The following SH3PXD2A variants were observed in gnomAD, a reference collection of about 807,000 sequenced individuals.
SH3PXD2A encodes SH3 and PX domains 2A.
A neutral mutation model predicts 115.2 loss-of-function variants in SH3PXD2A; 32 were observed. The ratio of observed to expected loss-of-function variants is 0.28; its 90% confidence interval spans 0.21 to 0.37. SH3PXD2A has a LOEUF of 0.37. SH3PXD2A is among the 10% of genes least tolerant of loss of function. The probability of loss-of-function intolerance (pLI) is 1.00; values close to 1 mark genes in which losing one functional copy is unlikely to be tolerated. For synonymous variants in SH3PXD2A, 610 were observed against 629.1 expected (o/e 0.97, Z 0.45); for missense variants, 1,328 against 1,498.7 (o/e 0.89, Z 1.88).
intron 2 of SH3PXD2A, among the ~76,000 whole-genome samples, chr10:103,782,594 TAGGCATCGGGAAAACAGAAGCTATGGAGC>T (rs2038941255): frequency 6.6e-6 from 1 of 152,128 alleles, no homozygotes; most frequent in African/African-American, 2.4e-5. Flanking sequence ...GGTACTGTTC[TAGGCATCGGGAAAACAGAAGCTATGGAGC>T]AGGCAAGATC....
chr10:103,624,724 A>C (rs1223702526), intron 9 of SH3PXD2A, among the ~76,000 whole-genome samples: 1 of 152,206 alleles, frequency 6.6e-6, no homozygotes, highest in Admixed American at 6.5e-5. Context: ...CTATGATGGG[A>C]TGGCCATAGC....
At chr10:103,703,359 A>C (rs1290729100) in intron 5 of SH3PXD2A, among the ~76,000 whole-genome samples, 1 of 152,238 alleles carries the variant, frequency 6.6e-6, no homozygotes, top group East Asian at 1.9e-4. Context: ...CCCATTTTAC[A>C]GATGCACCTC....
intron 3 of SH3PXD2A, among the ~76,000 whole-genome samples, chr10:103,751,966 G>A (rs796293376): frequency 2.0e-5 from 3 of 152,326 alleles, no homozygotes; most frequent in African/African-American, 7.2e-5. Flanking sequence ...TATAGATCAT[G>A]TTTCTATTTA....
chr10:103,754,609 G>T (rs1286669253), intron 3 of SH3PXD2A: 1 of 152,106 alleles, frequency 6.6e-6, no homozygotes, highest in African/African-American at 2.4e-5. Context: ...GGAGGGGAGA[G>T]AGAATGTTCT....
chr10:103,796,553 C>T (rs953464973), intron 2 of SH3PXD2A, among the ~76,000 whole-genome samples: 2 of 151,990 alleles, frequency 1.3e-5, no homozygotes, highest in South Asian at 2.1e-4. Flanking sequence ...GCCTTCCTCA[C>T]GAGATGTAGA....
chr10:103,769,128 T>C (rs1271523962), intron 2 of SH3PXD2A, among the ~76,000 whole-genome samples: 1 of 143,212 alleles, frequency 7.0e-6, no homozygotes, highest in African/African-American at 2.6e-5. Context: ...GGTTCTAGGC[T>C]AGACTCTGTG....
intron 8 of SH3PXD2A, among the ~76,000 whole-genome samples, chr10:103,659,315 G>A (rs1416911362): frequency 6.6e-6 from 1 of 152,222 alleles, no homozygotes; most frequent in African/African-American, 2.4e-5. Flanking sequence ...AACGGCTATG[G>A]TGTGACAGGC....
chr10:103,640,620 C>G (rs1247507051), intron 8 of SH3PXD2A, among the ~76,000 whole-genome samples: 1 of 152,144 alleles, frequency 6.6e-6, no homozygotes, highest in African/African-American at 2.4e-5. Flanking sequence ...GAGCAACACC[C>G]AAGGACACAA....
At chr10:103,640,915 G>A (rs1028292519) in intron 8 of SH3PXD2A, among the ~76,000 whole-genome samples, 1 of 152,076 alleles carries the variant, frequency 6.6e-6, no homozygotes, top group African/African-American at 2.4e-5. Flanking sequence ...AGGGCCCTGG[G>A]GGCTACAGGG....
chr10:103,692,495 GGAA>G (rs1333585631), intron 6 of SH3PXD2A, among the ~76,000 whole-genome samples: 5 of 152,324 alleles, frequency 3.3e-5, no homozygotes, highest in East Asian at 1.9e-4. Context: ...GTTGGGGCAG[GGAA>G]GAAGGTCTGT....
At chr10:103,839,602 C>T (rs2039577852) in intron 1 of SH3PXD2A, among the ~76,000 whole-genome samples, 2 of 150,646 alleles carry the variant, frequency 1.3e-5, no homozygotes, top group South Asian at 2.1e-4. Flanking sequence ...CAAGCCCACA[C>T]AGCCCCACCC....
chr10:103,846,827 CA>C (rs1266121058), intron 1 of SH3PXD2A, among the ~76,000 whole-genome samples: 3 of 152,164 alleles, frequency 2.0e-5, no homozygotes, highest in Admixed American at 2.0e-4. Context: ...TCTGTGGGGA[CA>C]GGGCAGGCTT....
At chr10:103,693,459 C>G (rs1262065236) in intron 5 of SH3PXD2A, 2 of 152,138 alleles carry the variant, frequency 1.3e-5, no homozygotes, top group African/African-American at 4.8e-5. Context: ...CCCGCTCTCC[C>G]CGCCACCGGA....
At chr10:103,748,976 T>C (rs577494275) in intron 3 of SH3PXD2A, among the ~76,000 whole-genome samples, 1 of 137,694 alleles carries the variant, frequency 7.3e-6, no homozygotes, top group Non-Finnish European at 1.5e-5. Flanking sequence ...TTCTTCTTTC[T>C]TTTTTTTTTT....
chr10:103,808,312 C>T (rs1288286072), intron 1 of SH3PXD2A, among the ~76,000 whole-genome samples: 2 of 151,260 alleles, frequency 1.3e-5, no homozygotes, highest in Admixed American at 6.6e-5. Context: ...AGTGCAGTGG[C>T]GTGATCTCAG....
intron 3 of SH3PXD2A, among the ~76,000 whole-genome samples, chr10:103,751,037 T>C (rs1437179899): frequency 6.6e-6 from 1 of 152,162 alleles, no homozygotes; most frequent in Non-Finnish European, 1.5e-5. Flanking sequence ...CTCCAGGCAT[T>C]TCCCCCAGAC....
At chr10:103,762,011 C>A (rs903870832) in intron 3 of SH3PXD2A, among the ~76,000 whole-genome samples, 4 of 104,206 alleles carry the variant, frequency 3.8e-5, no homozygotes, top group East Asian at 2.3e-4. Context: ...GCAATCAACA[C>A]GTCTTTTTTT....
chr10:103,737,615 G>A (rs756302822), intron 3 of SH3PXD2A, among the ~76,000 whole-genome samples: 19 of 152,220 alleles, frequency 1.2e-4, no homozygotes, highest in Non-Finnish European at 2.4e-4. Flanking sequence ...GACAGAGAAT[G>A]TACCTGACAT....
At chr10:103,821,099 C>T (rs1052762178) in intron 1 of SH3PXD2A, among the ~76,000 whole-genome samples, 1 of 150,810 alleles carries the variant, frequency 6.6e-6, no homozygotes, top group Non-Finnish European at 1.5e-5. Flanking sequence ...GCACTTAGCA[C>T]GTGCCTGGCC....
Sources: gnomAD v4.1 joint callset for allele counts (sites outside exome capture counted in the v4.1 genomes callset) on GRCh38, gnomAD v4.1.1 for gene constraint, MANE v1.5 for transcripts, NCBI Gene and HGNC (gene_info 2026-07-23, HGNC 2026-07-21) for gene names.